Variants in PCDHB9 observed in about 807,000 individuals in gnomAD.
The protein encoded by PCDHB9 is protocadherin beta 9.
For missense variants in PCDHB9, 1,072 were observed against 995.1 expected (o/e 1.08, Z -1.04); for synonymous variants, 501 against 439.7 (o/e 1.14, Z -1.75).
chr5:141,189,012 T>C lies in PCDHB9; in HGVS notation c.1694T>C (p.Leu565Pro), dbSNP rs1554283193. The C allele has an allele frequency of 1.9e-6, 3 of 1,610,768 alleles. No homozygotes were observed. Among genetic ancestry groups the C allele is most frequent in the Non-Finnish European group, 2.5e-6 (3 of 1,179,676 alleles). ...AACTCGCCCTTCGTGCTGTACCCGCTGCAGAACGGCTCCGCGCCCTGCACC... is the reference window on the plus strand; with the variant it reads ...AACTCGCCCTTCGTGCTGTACCCGCCGCAGAACGGCTCCGCGCCCTGCACC... The part of the protein sequence containing the change: ...NDNSPFVLYP[L>P]QNGSAPCTEL... Residue 565 changes from leucine to proline, a missense_variant, in exon 1 of 1, where the codon CTG becomes CCG. Leu to Pro is a moderately conservative substitution (Grantham distance 98). Coordinates refer to ENST00000316105, the MANE Select transcript of PCDHB9 (RefSeq NM_019119.5).
Position 141,190,663 on chromosome 5 carries a change from A to AAAAAAAAAAAAAAAAAAAAAAAAAAT in PCDHB9, c.*962_*963insAAAAAAAAAAAAAATAAAAAAAAAAA. Reference sequence around the variant, plus strand: ...ATGGGCTTTAGTCTGGAAACCAAAAAAAAAAAAAAAATTTAGTCATTCTAT... The same window carrying AAAAAAAAAAAAAAAAAAAAAAAAAAT: ...ATGGGCTTTAGTCTGGAAACCAAAAAAAAAAAAAAAAAAAAAAAAAAAAAATAAAAAAAAAAATTTAGTCATTCTAT... On this transcript the variant is annotated 3_prime_UTR_variant, in exon 1 of 1. Coordinates refer to ENST00000316105, the MANE Select transcript of PCDHB9 (RefSeq NM_019119.5). The AAAAAAAAAAAAAAAAAAAAAAAAAAT allele has an allele frequency of 6.6e-6, 1 of 151,682 alleles. No individual in the cohort carries two copies. The highest frequency in any genetic ancestry group is 1.5e-5 in the Non-Finnish European group (1 of 67,920). 9.4% of individuals were successfully genotyped at this position (151,682 alleles called of 1,614,324 possible).
chr5:141,189,031 C>G lies in PCDHB9; in HGVS notation c.1713C>G (p.Pro571=). 6.2e-7 allele frequency: 1 copy of G among 1,609,208 alleles called. No individual in the cohort carries two copies. Among genetic ancestry groups the G allele is most frequent in the South Asian group, 1.1e-5 (1 of 90,944 alleles). ...ACCCGCTGCAGAACGGCTCCGCGCCCTGCACCGAGCTGGTGCCCCGGGCGG... is the reference window on the plus strand; with the variant it reads ...ACCCGCTGCAGAACGGCTCCGCGCCGTGCACCGAGCTGGTGCCCCGGGCGG... ...VLYPLQNGSA[P]CTELVPRAAE... Residue 571 remains proline, a synonymous_variant, in exon 1 of 1, where the codon CCC becomes CCG. Coordinates refer to ENST00000316105, the MANE Select transcript of PCDHB9 (RefSeq NM_019119.5).
rs566198864 is a variant in PCDHB9 at position 141,188,909 on chromosome 5, G to C, written c.1591G>C (p.Val531Leu). 22 of 1,612,328 alleles carry C rather than the reference G, an allele frequency of 1.4e-5. No homozygotes were observed. In the Admixed American group the frequency reaches 3.3e-4, roughly 24 times the overall value. The change falls in exon 1 of 1, where the codon GTG (valine) becomes CTG (leucine). Residue 531 changes from valine to leucine, a missense_variant. Transcript: ENST00000316105. ...GGCCCTGCAGGCTTTCGACTTCCGC[G>C]TGGGCGCCTCAGACCGCGGCTCCCC... ...YEALQAFDFR[V>L]GASDRGSPAL...
rs1554283315 is a variant in PCDHB9, at chr5:141,189,323, C to T, written c.2005C>T (p.Pro669Ser). The stretch of plus-strand genomic sequence containing the variant: ...GCTCCTGGTGGACGGCTTCTCCCAG[C>T]CCTACCTGCCTCTCCCGGAGGCGGC... ...HVLLVDGFSQ[P>S]YLPLPEAAPA... The change falls in exon 1 of 1, where the codon CCC becomes TCC. Residue 669 changes from proline to serine, a missense_variant. Pro to Ser is a moderately conservative substitution (Grantham distance 74). Coordinates refer to ENST00000316105, the MANE Select transcript of PCDHB9 (RefSeq NM_019119.5). The T allele has an allele frequency of 6.2e-7, 1 of 1,610,650 alleles. No individual in the cohort carries two copies. The highest frequency in any genetic ancestry group is 2.2e-5 in the East Asian group (1 of 44,878).
Position 141,188,167 on chromosome 5 carries a change from T to A in PCDHB9, c.849T>A (p.Asp283Glu). 4.3e-6 allele frequency: 7 copies of A among 1,610,554 alleles called. No homozygotes were observed. Among genetic ancestry groups the A allele is most frequent in the Non-Finnish European group, 5.1e-6 (6 of 1,177,878 alleles). The change falls in exon 1 of 1, where the codon GAT (aspartate) becomes GAA (glutamate). Residue 283 changes from aspartate (D) to glutamate (E), a missense_variant. Physicochemically the swap from Asp to Glu is conservative, Grantham distance 45. Transcript: ENST00000316105. ...VNAEVSYSFF[D>E]ASEDILTTFQ... ...CAGAAGTATCCTATTCATTTTTTGA[T>A]GCTTCTGAAGATATTTTAACAACGT...
rs17844514 is a variant in PCDHB9, at chr5:141,188,399, C to T, written c.1081C>T (p.Pro361Ser). 9.1e-4 allele frequency: 1,475 copies of T among 1,614,108 alleles called. 28 individuals are homozygous for T. In the East Asian group the frequency reaches 0.028, roughly 30 times the overall value. Residue 361 changes from proline (P) to serine (S), a missense_variant, in exon 1 of 1, where the codon CCT becomes TCT. By Grantham distance (74) the Pro-to-Ser change is moderately conservative. Coordinates refer to ENST00000316105, the MANE Select transcript of PCDHB9 (RefSeq NM_019119.5). ...TTCCAACTCTGTTGCTGAAAACTCTCCTGGGATAGTATTGGCTGTTTTTAA... is the reference window on the plus strand; with the variant it reads ...TTCCAACTCTGTTGCTGAAAACTCTTCTGGGATAGTATTGGCTGTTTTTAA... ...SLSNSVAENS[P>S]GIVLAVFKIK...
rs149429542 is a variant in PCDHB9 at position 141,188,557 on chromosome 5, C to T, written c.1239C>T (p.Ser413=). Residue 413 remains serine, a synonymous_variant, in exon 1 of 1, where the codon AGC becomes AGT. Transcript: ENST00000316105. The stretch of plus-strand genomic sequence containing the variant: ...CTGAAGGTGCACTGGACAGAGAGAG[C>T]AAAGCTGAGTACAACATCACCATCA... ...LMTEGALDRE[S]KAEYNITITV... The T allele has an allele frequency of 1.6e-4, 260 of 1,614,196 alleles. 3 individuals are homozygous for T. The East Asian group carries it at 3.7e-3, about 23-fold the overall frequency.
chr5:141,189,653 G>A lies in PCDHB9; in HGVS notation c.2335G>A (p.Gly779Ser), dbSNP rs782269167. 6.2e-7 allele frequency: 1 copy of A among 1,613,592 alleles called. No individual in the cohort carries two copies. Among genetic ancestry groups the A allele is most frequent in the South Asian group, 1.1e-5 (1 of 91,060 alleles). The change falls in exon 1 of 1, where the codon GGT (glycine) becomes AGT (serine). Residue 779 changes from glycine (G) to serine (S), a missense_variant. Physicochemically the swap from Gly to Ser is moderately conservative, Grantham distance 56. Transcript: ENST00000316105. ...TACCCCCCACCTCCCGCCCCATAGG[G>A]GTGGGAAAGAAATAGAGGAAAATTC... is the stretch of plus-strand genomic sequence containing the variant. ...PITPHLPPHR[G>S]GKEIEENSTL...
Position 141,188,993 on chromosome 5 carries a change from C to T in PCDHB9, c.1675C>T (p.Pro559Ser), listed in dbSNP as rs782353881. The change falls in exon 1 of 1, where the codon CCC (proline) becomes TCC (serine). Residue 559 changes from proline to serine, a missense_variant. Pro to Ser is a moderately conservative substitution (Grantham distance 74). Transcript: ENST00000316105. ...VLVLDANDNS[P>S]FVLYPLQNGS... ...GGTGCTGGACGCCAACGACAACTCGCCCTTCGTGCTGTACCCGCTGCAGAA... is the reference window on the plus strand; with the variant it reads ...GGTGCTGGACGCCAACGACAACTCGTCCTTCGTGCTGTACCCGCTGCAGAA... The T allele has an allele frequency of 3.1e-6, 5 of 1,611,400 alleles. No homozygotes were observed. Among genetic ancestry groups the T allele is most frequent in the South Asian group, 2.2e-5 (2 of 90,984 alleles).
rs569759607 is a variant in PCDHB9 at position 141,189,240 on chromosome 5, T to C, written c.1922T>C (p.Val641Ala). The change falls in exon 1 of 1, where the codon GTG becomes GCG. Residue 641 changes from valine (V) to alanine (A), a missense_variant. Physicochemically the swap from Val to Ala is moderately conservative, Grantham distance 64. Coordinates refer to ENST00000316105, the MANE Select transcript of PCDHB9 (RefSeq NM_019119.5). ...SERDAAKHRL[V>A]VLVKDNGEPP... ...CGCGACGCGGCCAAGCACAGGCTGG[T>C]GGTGCTTGTCAAGGACAATGGCGAG... The C allele has an allele frequency of 1.0e-4, 165 of 1,606,854 alleles. 2 individuals are homozygous for C. The African/African-American group carries it at 2.0e-3, about 20-fold the overall frequency.
In PCDHB9 at chr5:141,187,624, T is replaced by C; in HGVS notation, c.306T>C (p.Cys102=). Residue 102 remains cysteine, a synonymous_variant, in exon 1 of 1, where the codon TGT becomes TGC. Coordinates refer to ENST00000316105, the MANE Select transcript of PCDHB9 (RefSeq NM_019119.5). The stretch of plus-strand genomic sequence containing the variant: ...AGCTGTGTGGCCCTAAAGAGCCCTG[T>C]ATGCTGTATTTCCAAATTTTAATGG... The part of the protein sequence containing the change: ...REKLCGPKEP[C]MLYFQILMDD... 1 of 1,613,608 alleles carries C rather than the reference T, an allele frequency of 6.2e-7. No homozygotes were observed. Among genetic ancestry groups the C allele is most frequent in the Non-Finnish European group, 8.5e-7 (1 of 1,179,742 alleles).
Position 141,187,419 on chromosome 5 carries a change from C to T in PCDHB9, c.101C>T (p.Ser34Leu). Residue 34 changes from serine to leucine, a missense_variant, in exon 1 of 1, where the codon TCG becomes TTG. Transcript: ENST00000316105. ...GCAGGTTCTGGGTTTGGACGTTATT[C>T]GGTGACTGAGGAAACAGAGAAAGGA... ...SLAGSGFGRY[S>L]VTEETEKGSF... 6.2e-7 allele frequency: 1 copy of T among 1,613,914 alleles called. No homozygotes were observed. The highest frequency in any genetic ancestry group is 1.1e-5 in the South Asian group (1 of 91,062).
rs1376787318 is a variant in PCDHB9 at position 141,190,174 on chromosome 5, G to GTTTTTTTTTTT, written c.*465_*466insTTTTTTTTTTT. ...TTTTTGTTTGTTTGTTTGTTTTTTG[G>GTTTTTTTTTTT]TTTGTTTGTTTTTTTTTTTTTTGAG... is the stretch of plus-strand genomic sequence containing the variant. On this transcript the variant is annotated 3_prime_UTR_variant, in exon 1 of 1. Transcript: ENST00000316105. 8.2e-6 allele frequency: 1 copy of GTTTTTTTTTTT among 121,628 alleles called. No individual in the cohort carries two copies. The highest frequency in any genetic ancestry group is 3.4e-5 in the African/African-American group (1 of 29,702). 7.5% of individuals were successfully genotyped at this position (121,628 alleles called of 1,614,324 possible). A position where few individuals can be genotyped will look rare whatever the true frequency, so the allele number is the denominator to read the frequency against.
At position 141,188,577 on chromosome 5, in the gene PCDHB9, C is replaced by T. The variant is rs575441811; in HGVS notation, c.1259C>T (p.Thr420Ile). ...DRESKAEYNI[T>I]ITVTDLGTPR... is the part of the protein sequence containing the mutation. Reference sequence around the variant, plus strand: ...GAGAGCAAAGCTGAGTACAACATCACCATCACCGTCACTGACTTGGGGACA... The same window carrying T: ...GAGAGCAAAGCTGAGTACAACATCATCATCACCGTCACTGACTTGGGGACA... Residue 420 changes from threonine to isoleucine, a missense_variant, in exon 1 of 1, where the codon ACC becomes ATC. Transcript: ENST00000316105. 7 of 1,614,120 alleles carry T rather than the reference C, an allele frequency of 4.3e-6. No individual in the cohort carries two copies. The highest frequency in any genetic ancestry group is 1.7e-5 in the Admixed American group (1 of 60,018).
chr5:141,188,097 T>C lies in PCDHB9; in HGVS notation c.779T>C (p.Leu260Pro). The change falls in exon 1 of 1, where the codon CTT becomes CCT. Residue 260 changes from leucine (L) to proline (P), a missense_variant. Leu to Pro is a moderately conservative substitution (Grantham distance 98). Coordinates refer to ENST00000316105, the MANE Select transcript of PCDHB9 (RefSeq NM_019119.5). ...CCAGAAAACAGTCCAGTAGGGTCCC[T>C]TATTGTTAAAGTGTCTGCAGGAGAT... ...QAPENSPVGS[L>P]IVKVSAGDAD... The C allele has an allele frequency of 1.2e-6, 2 of 1,613,632 alleles. No homozygotes were observed. Among genetic ancestry groups the C allele is most frequent in the South Asian group, 2.2e-5 (2 of 91,026 alleles).
At position 141,188,363 on chromosome 5, in the gene PCDHB9, A is replaced by G. The variant is rs538994928; in HGVS notation, c.1045A>G (p.Ile349Val). ...CAATGACAATCCTCCTGAACTGATC[A>G]TATCATCACTTTCCAACTCTGTTGC... ...DSNDNPPELI[I>V]SSLSNSVAEN... Residue 349 changes from isoleucine to valine, a missense_variant, in exon 1 of 1, where the codon ATA (isoleucine) becomes GTA (valine). By Grantham distance (29) the Ile-to-Val change is conservative. Coordinates refer to ENST00000316105, the MANE Select transcript of PCDHB9 (RefSeq NM_019119.5). The G allele has an allele frequency of 9.3e-6, 15 of 1,614,070 alleles. No individual in the cohort carries two copies. Among genetic ancestry groups the G allele is most frequent in the African/African-American group, 6.7e-5 (5 of 75,044 alleles).
At position 141,188,505 on chromosome 5, in the gene PCDHB9, C is replaced by G; in HGVS notation, c.1187C>G (p.Ser396Cys). 6.2e-7 allele frequency: 1 copy of G among 1,614,158 alleles called. No homozygotes were observed. Among genetic ancestry groups the G allele is most frequent in the Non-Finnish European group, 8.5e-7 (1 of 1,180,024 alleles). The stretch of plus-strand genomic sequence containing the variant: ...AATCTGCCTTTTTTTCTGAAACCGT[C>G]TGTTGACAATTTTTACATCCTAATG... ...QDNLPFFLKP[S>C]VDNFYILMTE... Residue 396 changes from serine to cysteine, a missense_variant, in exon 1 of 1, where the codon TCT becomes TGT. Coordinates refer to ENST00000316105, the MANE Select transcript of PCDHB9 (RefSeq NM_019119.5).
At position 141,187,394 on chromosome 5, in the gene PCDHB9, G is replaced by T; in HGVS notation, c.76G>T (p.Ala26Ser). 6.2e-6 allele frequency: 10 copies of T among 1,614,096 alleles called. No homozygotes were observed. Among genetic ancestry groups the T allele is most frequent in the Non-Finnish European group, 8.5e-6 (10 of 1,180,034 alleles). ...FLFLFWGVSL[A>S]GSGFGRYSVT... ...TTTTCTTTTCTGGGGAGTGTCCTTGGCAGGTTCTGGGTTTGGACGTTATTC... is the reference window on the plus strand; with the variant it reads ...TTTTCTTTTCTGGGGAGTGTCCTTGTCAGGTTCTGGGTTTGGACGTTATTC... Residue 26 changes from alanine to serine, a missense_variant, in exon 1 of 1, where the codon GCA becomes TCA. Coordinates refer to ENST00000316105, the MANE Select transcript of PCDHB9 (RefSeq NM_019119.5).
At position 141,189,583 on chromosome 5, in the gene PCDHB9, G is replaced by A; in HGVS notation, c.2265G>A (p.Leu755=). The A allele has an allele frequency of 6.2e-7, 1 of 1,614,108 alleles. No homozygotes were observed. Among genetic ancestry groups the A allele is most frequent in the Non-Finnish European group, 8.5e-7 (1 of 1,180,022 alleles). ...AGAGCTACCAGTACGAGGTGTGTCTGACTGGAGGTTCAGAGACCGGCGAGT... is the reference window on the plus strand; with the variant it reads ...AGAGCTACCAGTACGAGGTGTGTCTAACTGGAGGTTCAGAGACCGGCGAGT... ...LFQSYQYEVC[L]TGGSETGEFK... Residue 755 remains leucine (L), a synonymous_variant, in exon 1 of 1, where the codon CTG becomes CTA. Coordinates refer to ENST00000316105, the MANE Select transcript of PCDHB9 (RefSeq NM_019119.5).
Sources: allele counts gnomAD v4.1 joint callset, GRCh38; gene constraint gnomAD v4.1.1; transcripts MANE v1.5; gene names NCBI Gene and HGNC (gene_info 2026-07-23, HGNC 2026-07-21).